The following CHMP2B variants were observed in gnomAD, a reference collection of about 807,000 sequenced individuals.
CHMP2B encodes charged multivesicular body protein 2B.
A neutral mutation model predicts 29.8 loss-of-function variants in CHMP2B; 22 were observed. The observed-to-expected ratio is 0.74, with a 90% CI of 0.53 to 1.05. The LOEUF (loss-of-function observed/expected upper bound fraction) is 1.05, where lower values mean the gene tolerates loss of function less well. Among genes scored for constraint, CHMP2B ranks in the 50% least tolerant of loss-of-function variants. The pLI, the probability that CHMP2B is intolerant of heterozygous loss-of-function variation, is 0.00. For synonymous variants in CHMP2B, 78 were observed against 75.8 expected, an observed-to-expected ratio of 1.03 and a Z score of -0.15; for missense variants, 261 against 252.2, an observed-to-expected ratio of 1.03 and a Z score of -0.24.
intron 1 of CHMP2B, among the ~76,000 whole-genome samples, chr3:87,239,370 A>T (rs745435476): frequency 6.6e-6 from 1 of 151,970 alleles, no homozygotes; most frequent in Non-Finnish European, 1.5e-5. Context: ...ATTTACTTCT[A>T]TGTGTTCTAA....
chr3:87,229,124 G>A (rs1290181625), intron 1 of CHMP2B, among the ~76,000 whole-genome samples: 1 of 151,670 alleles, frequency 6.6e-6, no homozygotes, highest in African/African-American at 2.4e-5. Context: ...AGTTTTAATC[G>A]CCTAATACCT....
Position 87,254,110 on chromosome 3 carries a change from A to T in CHMP2B, c.*288A>T. ...ACAGAGAAATTATATTCCTTACTTC[A>T]TGTCAGTTTATGTTCTAAATCTTTT... On this transcript the variant is annotated 3_prime_UTR_variant, in exon 6 of 6. Coordinates refer to ENST00000263780, the MANE Select transcript of CHMP2B (RefSeq NM_014043.4). 3.5e-6 allele frequency: 1 copy of T among 285,604 alleles called. No homozygotes were observed. Among genetic ancestry groups the T allele is most frequent in the South Asian group, 4.0e-5 (1 of 25,178 alleles). 17.7% of individuals were successfully genotyped at this position (285,604 alleles called of 1,614,324 possible). A position where few individuals can be genotyped will look rare whatever the true frequency, so the allele number is the denominator to read the frequency against.
intron 1 of CHMP2B, among the ~76,000 whole-genome samples, chr3:87,237,083 G>C (rs1706029758): frequency 6.6e-6 from 1 of 152,142 alleles, no homozygotes; most frequent in South Asian, 2.1e-4. Context: ...GTCCAAAAGA[G>C]GATCGAGTGT....
At chr3:87,246,832 A>C (rs189225723) in intron 3 of CHMP2B, among the ~76,000 whole-genome samples, 1 of 152,328 alleles carries the variant, frequency 6.6e-6, no homozygotes, top group Non-Finnish European at 1.5e-5. Context: ...TGCTTTCACA[A>C]ATTTTATAGT....
chr3:87,229,895 A>G (rs1198192168), intron 1 of CHMP2B, among the ~76,000 whole-genome samples: 1 of 152,168 alleles, frequency 6.6e-6, no homozygotes, highest in Non-Finnish European at 1.5e-5. Context: ...ATTACTATTC[A>G]GAGTTATGTT....
chr3:87,246,417 A>G (rs940947880), intron 3 of CHMP2B, among the ~76,000 whole-genome samples: 9 of 152,152 alleles, frequency 5.9e-5, no homozygotes, highest in South Asian at 2.1e-4. Flanking sequence ...GATTACAGAC[A>G]TGAGCCACCG....
intron 2 of CHMP2B, among the ~76,000 whole-genome samples, chr3:87,242,842 A>C (rs1166328767): frequency 6.6e-6 from 1 of 152,202 alleles, no homozygotes. Flanking sequence ...ATAAAGGTTT[A>C]AATAAGTCTA....
In CHMP2B at chr3:87,253,514, T is replaced by G. The variant is rs750061631; in HGVS notation, c.531+4T>G. 1.9e-6 allele frequency: 3 copies of G among 1,562,204 alleles called. No individual in the cohort carries two copies. The highest frequency in any genetic ancestry group is 1.1e-5 in the South Asian group (1 of 90,046). ...TGGAATTGAAATTTCTGGAAAGGTATGAACATCATCTTTTCTTAGTTGGAA... is the reference window on the plus strand; with the variant it reads ...TGGAATTGAAATTTCTGGAAAGGTAGGAACATCATCTTTTCTTAGTTGGAA... On this transcript the variant is annotated splice_donor_region_variant and intron_variant, in intron 5 of 5. Transcript: ENST00000263780.
chr3:87,245,318 A>AT (rs756203554), intron 2 of CHMP2B, among the ~76,000 whole-genome samples: 1 of 151,998 alleles, frequency 6.6e-6, no homozygotes, highest in Non-Finnish European at 1.5e-5. Flanking sequence ...ATTTAATGTA[A>AT]TTATCTATAT....
chr3:87,244,024 T>G (rs926739487), intron 2 of CHMP2B, among the ~76,000 whole-genome samples: 1 of 132,568 alleles, frequency 7.5e-6, no homozygotes, highest in African/African-American at 2.7e-5. Context: ...TTGTTTTTTG[T>G]TTTTTTTTTT....
At chr3:87,243,855 A>G (rs142562396) in intron 2 of CHMP2B, among the ~76,000 whole-genome samples, 1 of 150,882 alleles carries the variant, frequency 6.6e-6, no homozygotes, top group East Asian at 1.9e-4. Context: ...GGTATTTGTA[A>G]CTGTGTTCTC....
At chr3:87,230,962 C>A (rs1483341433) in intron 1 of CHMP2B, among the ~76,000 whole-genome samples, 1 of 152,084 alleles carries the variant, frequency 6.6e-6, no homozygotes, top group East Asian at 1.9e-4. Flanking sequence ...TCCTCAAATT[C>A]CTCTGACCAC....
In CHMP2B at chr3:87,245,814, T is replaced by G. The variant is rs759763492; in HGVS notation, c.227T>G (p.Phe76Cys). ...VHLRKQKTRT[F>C]AVSSKVTSMS... ...CTACGGAAACAGAAGACGAGAACTT[T>G]TGCTGTAAGTTCAAAAGTTACTTCT... The change falls in exon 3 of 6, where the codon TTT becomes TGT. Residue 76 changes from phenylalanine (F) to cysteine (C), a missense_variant. Phe to Cys is a radical substitution (Grantham distance 205). Transcript: ENST00000263780. The G allele has an allele frequency of 6.2e-7, 1 of 1,613,824 alleles. No homozygotes were observed. Among genetic ancestry groups the G allele is most frequent in the East Asian group, 2.2e-5 (1 of 44,814 alleles).
At chr3:87,240,306 GT>G (rs752097820) in intron 1 of CHMP2B, 78 of 135,256 alleles carry the variant, frequency 5.8e-4, no homozygotes, top group Middle Eastern at 3.8e-3. Context: ...GTTTTTTTTT[GT>G]TTTTTTTTTT....
chr3:87,228,575 T>C (rs1189811116), intron 1 of CHMP2B, among the ~76,000 whole-genome samples: 1 of 152,230 alleles, frequency 6.6e-6, no homozygotes, highest in Non-Finnish European at 1.5e-5. Context: ...TGTTGACTAT[T>C]CCAATGCCAG....
At chr3:87,246,699 T>G (rs1191341169) in intron 3 of CHMP2B, among the ~76,000 whole-genome samples, 1 of 152,182 alleles carries the variant, frequency 6.6e-6, no homozygotes. Context: ...CACAAACACA[T>G]TTTTCTATAT....
chr3:87,254,529 C>A lies in CHMP2B; in HGVS notation c.*707C>A, dbSNP rs1706370063. ...GGCCTCAATACAAAGATTATCCTGG[C>A]TCTTTTCTATCTCTGTGGGCCTAAT... On this transcript the variant is annotated 3_prime_UTR_variant, in exon 6 of 6. Coordinates refer to ENST00000263780, the MANE Select transcript of CHMP2B (RefSeq NM_014043.4). The A allele has an allele frequency of 6.6e-6, 1 of 151,986 alleles. No homozygotes were observed. The highest frequency in any genetic ancestry group is 2.1e-4 in the South Asian group (1 of 4,822). 9.4% of individuals were successfully genotyped at this position (151,986 alleles called of 1,614,324 possible). A position where few individuals can be genotyped will look rare whatever the true frequency, so the allele number is the denominator to read the frequency against.
At chr3:87,236,991 G>T (rs1259356252) in intron 1 of CHMP2B, among the ~76,000 whole-genome samples, 1 of 152,180 alleles carries the variant, frequency 6.6e-6, no homozygotes. Context: ...AAAAATTAGA[G>T]CACATTTTCT....
At chr3:87,235,050 C>A (rs993140160) in intron 1 of CHMP2B, among the ~76,000 whole-genome samples, 1 of 152,192 alleles carries the variant, frequency 6.6e-6, no homozygotes, top group Non-Finnish European at 1.5e-5. Flanking sequence ...TATGTTTGTA[C>A]TCCCATAGAT....
Sources: gnomAD v4.1 joint callset for allele counts (sites outside exome capture counted in the v4.1 genomes callset) on GRCh38, gnomAD v4.1.1 for gene constraint, MANE v1.5 for transcripts, NCBI Gene and HGNC (gene_info 2026-07-23, HGNC 2026-07-21) for gene names.